Variants in RPS6KC1 observed in about 807,000 individuals in gnomAD.
The protein encoded by RPS6KC1 is inactive ribosomal protein S6 kinase delta-1.
Under a neutral mutation model 103.8 loss-of-function variants are expected in RPS6KC1, and 54 were observed. The observed-to-expected ratio is 0.52, with a 90% confidence interval of 0.42 to 0.65. The LOEUF (loss-of-function observed/expected upper bound fraction) is 0.65. RPS6KC1 is among the 30% of genes least tolerant of loss of function. The probability of loss-of-function intolerance (pLI) is 0.00; values close to 1 mark genes in which losing one functional copy is unlikely to be tolerated. For missense variants in RPS6KC1, 1,151 were observed against 1,253.8 expected (o/e 0.92, Z 1.24); for synonymous variants, 439 against 438.7 (o/e 1.00, Z -0.01).
the RPS6KC1 span, among the ~76,000 whole-genome samples, chr1:213,418,099 G>T: frequency 6.6e-6 from 1 of 152,188 alleles, no homozygotes; most frequent in South Asian, 2.1e-4. Flanking sequence ...GAGCACGAGG[G>T]TGATGCTGAG....
At chr1:213,275,486 A>G (rs750363847), downstream of RPS6KC1, among the ~76,000 whole-genome samples, 2 of 152,224 alleles carry the variant, frequency 1.3e-5, no homozygotes, top group African/African-American at 2.4e-5. Flanking sequence ...TAAGCTTCCC[A>G]AGAGTGAAAA....
intron 8 of RPS6KC1, among the ~76,000 whole-genome samples, chr1:213,179,872 A>G (rs1477650977): frequency 6.6e-6 from 1 of 152,204 alleles, no homozygotes; most frequent in Admixed American, 6.5e-5. Flanking sequence ...GGTGCTCAAT[A>G]AATATTTGTT....
At chr1:213,849,956 A>G in the RPS6KC1 span, among the ~76,000 whole-genome samples, 1 of 152,056 alleles carries the variant, frequency 6.6e-6, no homozygotes, top group Non-Finnish European at 1.5e-5. Flanking sequence ...TTTATAACCA[A>G]TCATCTTTCT....
chr1:213,064,860 A>T (rs143692567), intron 1 of RPS6KC1, among the ~76,000 whole-genome samples: 1,606 of 148,624 alleles, frequency 0.011, 30 homozygotes, highest in African/African-American at 0.038. Context: ...TATTTTTAAT[A>T]GAGACAGGGT....
At chr1:213,526,959 G>A in the RPS6KC1 span, among the ~76,000 whole-genome samples, 1 of 152,010 alleles carries the variant, frequency 6.6e-6, no homozygotes, top group Non-Finnish European at 1.5e-5. Context: ...AGGTTTTCTG[G>A]TACTGAGCCA....
chr1:213,118,561 C>A (rs2083974959), intron 5 of RPS6KC1, among the ~76,000 whole-genome samples: 1 of 152,022 alleles, frequency 6.6e-6, no homozygotes, highest in African/African-American at 2.4e-5. Context: ...AGCAGCCACA[C>A]TAACATAAAT....
chr1:213,381,474 G>C, the RPS6KC1 span, among the ~76,000 whole-genome samples: 1 of 151,994 alleles, frequency 6.6e-6, no homozygotes, highest in Admixed American at 6.5e-5. Context: ...TGAGAGGAGG[G>C]GGGCAGGAGA....
the RPS6KC1 span, among the ~76,000 whole-genome samples, chr1:213,747,773 A>T: frequency 2.6e-5 from 4 of 152,318 alleles, no homozygotes; most frequent in East Asian, 3.9e-4. Context: ...ATAAACAGGA[A>T]TGAAAGTGGG....
the RPS6KC1 span, among the ~76,000 whole-genome samples, chr1:213,772,955 A>G: frequency 6.6e-6 from 1 of 152,176 alleles, no homozygotes; most frequent in Non-Finnish European, 1.5e-5. Flanking sequence ...GGCTTCTCCC[A>G]GACAGATGGC....
chr1:213,545,371 CAAATAAATAAATAAAT>C, the RPS6KC1 span, among the ~76,000 whole-genome samples: 7 of 119,624 alleles, frequency 5.9e-5, no homozygotes, highest in East Asian at 2.6e-4. Flanking sequence ...AACTCTGTCT[CAAATAAATAAATAAAT>C]AAATAAATAA....
At chr1:213,505,089 T>C in the RPS6KC1 span, among the ~76,000 whole-genome samples, 1 of 152,128 alleles carries the variant, frequency 6.6e-6, no homozygotes, top group Admixed American at 6.5e-5. Context: ...TGGGGCTTCG[T>C]TTCCCTTCAC....
the RPS6KC1 span, among the ~76,000 whole-genome samples, chr1:213,662,114 C>T: frequency 6.6e-6 from 1 of 151,988 alleles, no homozygotes; most frequent in Non-Finnish European, 1.5e-5. Context: ...TTTTATGACC[C>T]CCACTCCCCT....
chr1:213,529,621 A>G, the RPS6KC1 span, among the ~76,000 whole-genome samples: 1 of 152,162 alleles, frequency 6.6e-6, no homozygotes, highest in Non-Finnish European at 1.5e-5. Context: ...TAGCACTTTT[A>G]TTCCCATTTC....
the RPS6KC1 span, among the ~76,000 whole-genome samples, chr1:213,832,858 G>A: frequency 6.6e-6 from 1 of 152,170 alleles, no homozygotes; most frequent in African/African-American, 2.4e-5. Context: ...GTCTTGGCCT[G>A]CAGTGACAAG....
chr1:213,671,249 T>C, the RPS6KC1 span, among the ~76,000 whole-genome samples: 1 of 152,186 alleles, frequency 6.6e-6, no homozygotes, highest in Non-Finnish European at 1.5e-5. Context: ...GAGGCCACTA[T>C]ATTAAGTGAA....
At chr1:213,312,073 T>C in the RPS6KC1 span, among the ~76,000 whole-genome samples, 1 of 152,004 alleles carries the variant, frequency 6.6e-6, no homozygotes, top group Non-Finnish European at 1.5e-5. Context: ...AATTTTTGTA[T>C]TTTTAGTAAA....
chr1:213,793,465 G>A, the RPS6KC1 span, among the ~76,000 whole-genome samples: 2 of 152,142 alleles, frequency 1.3e-5, no homozygotes, highest in South Asian at 2.1e-4. Context: ...CCCCCTTAAT[G>A]AAGCAAGCCA....
intron 6 of RPS6KC1, among the ~76,000 whole-genome samples, chr1:213,161,295 A>G (rs1425826909): frequency 6.6e-6 from 1 of 151,982 alleles, no homozygotes; most frequent in East Asian, 1.9e-4. Context: ...TTCAAATGTG[A>G]TATAGTCTGA....
At chr1:213,125,762 C>G (rs1283980005) in intron 5 of RPS6KC1, 5 of 151,778 alleles carry the variant, frequency 3.3e-5, no homozygotes, top group Non-Finnish European at 1.5e-5. Context: ...ATCTTTCTCT[C>G]TAGGTATTTT....
Sources: allele counts gnomAD v4.1 joint callset (sites outside exome capture counted in the v4.1 genomes callset), GRCh38; gene constraint gnomAD v4.1.1; transcripts MANE v1.5; gene names NCBI Gene and HGNC (gene_info 2026-07-23, HGNC 2026-07-21).